The following WASF1 variants were observed in gnomAD, a reference collection of about 807,000 sequenced individuals.
WASF1 encodes actin-binding protein WASF1.
In WASF1, 7 loss-of-function variants were observed where a neutral mutation model predicts 50.5. That is an observed-to-expected ratio of 0.14 (90% CI 0.08 to 0.26). The LOEUF (loss-of-function observed/expected upper bound fraction) is 0.26. WASF1 is among the 10% of genes least tolerant of loss of function. WASF1 has a pLI of 1.00. For missense variants in WASF1, 470 were observed against 694.7 expected (o/e 0.68, Z 3.64); for synonymous variants, 205 against 244.0 (o/e 0.84, Z 1.49).
intron 3 of WASF1, among the ~76,000 whole-genome samples, chr6:110,146,523 T>C (rs540567204): frequency 4.0e-4 from 60 of 151,672 alleles, no homozygotes; most frequent in Non-Finnish European, 7.7e-4. Context: ...ATTAAAAATA[T>C]ATCTAATTTT....
At chr6:110,163,569 A>T (rs1284126889) in intron 2 of WASF1, among the ~76,000 whole-genome samples, 1 of 151,516 alleles carries the variant, frequency 6.6e-6, no homozygotes, top group Non-Finnish European at 1.5e-5. Flanking sequence ...TTAGGATGTC[A>T]TCATATGAAT....
At chr6:110,151,493 A>T (rs1449784602) in intron 3 of WASF1, among the ~76,000 whole-genome samples, 1 of 152,242 alleles carries the variant, frequency 6.6e-6, no homozygotes, top group Non-Finnish European at 1.5e-5. Flanking sequence ...TATTTCCCAC[A>T]TTCTGTAATA....
At chr6:110,159,279 C>T (rs530913397) in intron 3 of WASF1, among the ~76,000 whole-genome samples, 2 of 151,782 alleles carry the variant, frequency 1.3e-5, no homozygotes, top group African/African-American at 2.4e-5. Context: ...TAGAGTCAAC[C>T]CTGCATTTGG....
chr6:110,113,552 G>T (rs766498551), intron 4 of WASF1, 92 bp from the exon 5 acceptor site: 13 of 1,159,598 alleles, frequency 1.1e-5, no homozygotes, highest in Admixed American at 2.7e-5. Context: ...CATGATATTT[G>T]CCCTCAGATA....
At chr6:110,170,812 C>A (rs1408956462) in intron 2 of WASF1, among the ~76,000 whole-genome samples, 2 of 152,018 alleles carry the variant, frequency 1.3e-5, no homozygotes, top group African/African-American at 4.8e-5. Context: ...CAATTTGAGA[C>A]AAAGTAGGTT....
chr6:110,128,641 T>A (rs935769569), intron 3 of WASF1, among the ~76,000 whole-genome samples: 3 of 152,256 alleles, frequency 2.0e-5, no homozygotes, highest in African/African-American at 7.2e-5. Context: ...TGATTCAAAT[T>A]TCACTTACTA....
chr6:110,117,061 C>T (rs1773846146), intron 4 of WASF1, among the ~76,000 whole-genome samples: 1 of 147,638 alleles, frequency 6.8e-6, no homozygotes, highest in Non-Finnish European at 1.5e-5. Context: ...GAAACCAGAG[C>T]AGAAAAGCTG....
intron 4 of WASF1, among the ~76,000 whole-genome samples, chr6:110,118,139 C>T (rs1019657653): frequency 2.0e-5 from 3 of 151,836 alleles, no homozygotes; most frequent in Non-Finnish European, 2.9e-5. Context: ...ATGATAATGA[C>T]AGGATCAAAA....
chr6:110,165,206 A>G (rs1465086466), intron 2 of WASF1, among the ~76,000 whole-genome samples: 1 of 151,640 alleles, frequency 6.6e-6, no homozygotes, highest in Non-Finnish European at 1.5e-5. Context: ...GTGATTTATC[A>G]ACGTAAGTTC....
intron 4 of WASF1, among the ~76,000 whole-genome samples, chr6:110,113,727 G>T (rs1773673879): frequency 6.6e-6 from 1 of 151,984 alleles, no homozygotes; most frequent in African/African-American, 2.4e-5. Flanking sequence ...AAATTTTGGA[G>T]ATTTGAGACA....
intron 2 of WASF1, among the ~76,000 whole-genome samples, chr6:110,164,025 C>T (rs1032286654): frequency 6.6e-6 from 1 of 151,534 alleles, no homozygotes; most frequent in Non-Finnish European, 1.5e-5. Flanking sequence ...TGAATCTAGA[C>T]ACAGACCTTA....
intron 2 of WASF1, among the ~76,000 whole-genome samples, chr6:110,172,588 A>C (rs1050181563): frequency 1.6e-4 from 25 of 152,158 alleles, no homozygotes; most frequent in African/African-American, 5.8e-4. Context: ...AAACAATGAA[A>C]TACTACTCAG....
intron 3 of WASF1, among the ~76,000 whole-genome samples, chr6:110,131,148 CAG>C (rs1286659688): frequency 1.3e-5 from 2 of 152,134 alleles, no homozygotes; most frequent in Non-Finnish European, 2.9e-5. Context: ...TTTTAATGAA[CAG>C]AAGTTTTTAC....
chr6:110,139,016 G>A lies in WASF1; in HGVS notation c.-28-11387C>T, dbSNP rs552132827. Among the ~76,000 whole-genome samples the A allele has an allele frequency of 5.9e-5, 9 of 152,338 alleles. No individual in the cohort carries two copies. In the East Asian group the frequency reaches 7.7e-4, roughly 13 times the overall value. ...TGAGAGATGCCTTCAGGCCTGAGCCGAGCTTCCCTCAGCCTCACTTCCATT... is the reference window on the plus strand; with the variant it reads ...TGAGAGATGCCTTCAGGCCTGAGCCAAGCTTCCCTCAGCCTCACTTCCATT... On this transcript the variant is annotated intron_variant, in intron 3 of 10. Coordinates refer to ENST00000392589, the MANE Select transcript of WASF1 (RefSeq NM_003931.3).
chr6:110,142,709 CAG>C (rs5879059), intron 3 of WASF1, among the ~76,000 whole-genome samples: 11,011 of 151,972 alleles, frequency 0.072, 534 homozygotes, highest in African/African-American at 0.14. Flanking sequence ...AAATTCATCT[CAG>C]TATTTTTAAT....
At chr6:110,121,987 G>A (rs1774152891) in intron 4 of WASF1, among the ~76,000 whole-genome samples, 1 of 149,144 alleles carries the variant, frequency 6.7e-6, no homozygotes, top group Non-Finnish European at 1.5e-5. Context: ...TGAACAACAT[G>A]AACACATGGA....
chr6:110,118,631 T>C (rs992483244), intron 4 of WASF1, among the ~76,000 whole-genome samples: 55 of 152,216 alleles, frequency 3.6e-4, no homozygotes, highest in African/African-American at 1.3e-3. Context: ...ATTAGACACA[T>C]CAAAGAGACA....
At chr6:110,127,356 T>C (rs1774464586) in intron 4 of WASF1, 113 bp downstream of exon 4, 2 of 900,846 alleles carry the variant, frequency 2.2e-6, no homozygotes, top group Admixed American at 4.1e-5. Flanking sequence ...CAGGATAATT[T>C]TGTACTCTTC....
At chr6:110,161,255 T>C (rs1427000138) in intron 2 of WASF1, among the ~76,000 whole-genome samples, 2 of 151,656 alleles carry the variant, frequency 1.3e-5, no homozygotes, top group African/African-American at 4.8e-5. Context: ...GTGTATTACA[T>C]TTTCTACCAA....
Sources: gnomAD v4.1 joint callset for allele counts (sites outside exome capture counted in the v4.1 genomes callset) on GRCh38, gnomAD v4.1.1 for gene constraint, MANE v1.5 for transcripts, NCBI Gene and HGNC (gene_info 2026-07-23, HGNC 2026-07-21) for gene names.